The following PSME4 variants were observed in gnomAD, a reference collection of about 807,000 sequenced individuals.
The protein encoded by PSME4 is proteasome activator subunit 4, also known as proteasome activator complex subunit 4.
A neutral mutation model predicts 253.9 loss-of-function variants in PSME4; 89 were observed. The observed-to-expected ratio is 0.35, with a 90% CI of 0.30 to 0.42. The LOEUF (loss-of-function observed/expected upper bound fraction) is 0.42. PSME4 is among the 10% of genes least tolerant of loss of function. PSME4 has a pLI of 1.00. For synonymous variants in PSME4, 851 were observed against 759.2 expected, an observed-to-expected ratio of 1.12 and a Z score of -1.99; for missense variants, 2,014 against 2,195.2, an observed-to-expected ratio of 0.92 and a Z score of 1.65.
chr2:53,883,967 T>A (rs1679515916), intron 41 of PSME4, among the ~76,000 whole-genome samples: 3 of 152,296 alleles, frequency 2.0e-5, no homozygotes, highest in African/African-American at 7.2e-5. Context: ...GAAAGGGAAT[T>A]TCTGACCGCC....
At chr2:53,939,836 T>C (rs1010900063) in intron 4 of PSME4, 120 bp downstream of exon 4, 6 of 788,830 alleles carry the variant, frequency 7.6e-6, no homozygotes, top group African/African-American at 1.8e-5. Flanking sequence ...TTGTGCTCAG[T>C]GACTAACATC....
intron 29 of PSME4, among the ~76,000 whole-genome samples, chr2:53,899,402 A>C (rs1680289355): frequency 6.6e-6 from 1 of 152,176 alleles, no homozygotes; most frequent in South Asian, 2.1e-4. Flanking sequence ...TCCATAGCTT[A>C]AAAAGGAAAA....
intron 29 of PSME4, 101 bp downstream of exon 29, chr2:53,899,780 T>G: frequency 7.2e-7 from 1 of 1,398,186 alleles, no homozygotes; most frequent in Non-Finnish European, 9.8e-7. Context: ...ATCGTCTCAC[T>G]GTACTCCAGC....
At chr2:53,930,250 T>C (rs1219924164) in intron 10 of PSME4, among the ~76,000 whole-genome samples, 3 of 152,218 alleles carry the variant, frequency 2.0e-5, no homozygotes, top group Admixed American at 6.5e-5. Context: ...TATTTATTTA[T>C]AAGCTTTGTT....
rs1669104653 is a variant in PSME4 at position 53,936,172 on chromosome 2, A to G, written c.760-11T>C. On this transcript the variant is annotated splice_polypyrimidine_tract_variant and intron_variant, in intron 6 of 46. Coordinates refer to ENST00000404125, the MANE Select transcript of PSME4 (RefSeq NM_014614.3). ...GAGATTTACTAGTTGCTGAAAGTAA[A>G]CAAAAAGGACAAAGTTAATATATTT... is the stretch of plus-strand genomic sequence containing the variant. 6.2e-7 allele frequency: 1 copy of G among 1,613,380 alleles called. No individual in the cohort carries two copies. The highest frequency in any genetic ancestry group is 2.2e-5 in the East Asian group (1 of 44,826).
rs534058800 is a variant in PSME4, at chr2:53,948,652, T to A, written c.384-115A>T. On this transcript the variant is annotated intron_variant, in intron 2 of 46. Coordinates refer to ENST00000404125, the MANE Select transcript of PSME4 (RefSeq NM_014614.3). ...TGCTGCTCATCACCATGGGTTTTGCTTTCCCCATCCATGGCCACTCACTAG... is the reference window on the plus strand; with the variant it reads ...TGCTGCTCATCACCATGGGTTTTGCATTCCCCATCCATGGCCACTCACTAG... 132 of 714,794 alleles carry A rather than the reference T, an allele frequency of 1.8e-4. No individual in the cohort carries two copies. The African/African-American group carries it at 2.2e-3, about 12-fold the overall frequency. The allele number at this position is 714,794 out of a possible 1,614,324, so 44.3% of individuals were successfully genotyped here. A position where few individuals can be genotyped will look rare whatever the true frequency, so the allele number is the denominator to read the frequency against.
chr2:53,866,617 A>T, intron 45 of PSME4, 130 bp downstream of exon 45: 1 of 973,874 alleles, frequency 1.0e-6, no homozygotes. Flanking sequence ...ACTGGTGAGC[A>T]GACTAAGCCT....
chr2:53,956,331 C>A (rs988714381), intron 1 of PSME4, among the ~76,000 whole-genome samples: 9 of 151,828 alleles, frequency 5.9e-5, no homozygotes, highest in Admixed American at 4.6e-4. Context: ...GAGTTTGAGA[C>A]CAGCCTCGTC....
At chr2:53,921,158 A>G in intron 17 of PSME4, 54 bp from the exon 18 acceptor site, 2 of 1,604,710 alleles carry the variant, frequency 1.2e-6, no homozygotes, top group Non-Finnish European at 1.7e-6. Flanking sequence ...AACAAGAACC[A>G]ATCATTAATG....
intron 1 of PSME4, among the ~76,000 whole-genome samples, chr2:53,957,998 C>G (rs1670312007): frequency 6.6e-6 from 1 of 151,928 alleles, no homozygotes; most frequent in Admixed American, 6.6e-5. Flanking sequence ...CCAGCCTGAC[C>G]AACACAGAGA....
intron 3 of PSME4, among the ~76,000 whole-genome samples, chr2:53,946,302 T>C (rs1466867792): frequency 6.6e-6 from 1 of 152,216 alleles, no homozygotes; most frequent in African/African-American, 2.4e-5. Flanking sequence ...CCTCCTTTCA[T>C]TTACAAAATA....
chr2:53,919,925 A>G (rs148802521), intron 19 of PSME4, among the ~76,000 whole-genome samples: 202 of 152,296 alleles, frequency 1.3e-3, no homozygotes, highest in African/African-American at 4.6e-3. Context: ...GCATATCTAC[A>G]CACACCTTCC....
chr2:53,917,508 C>T (rs868684563), intron 20 of PSME4, among the ~76,000 whole-genome samples: 10 of 152,096 alleles, frequency 6.6e-5, no homozygotes, highest in African/African-American at 2.2e-4. Context: ...CAGGCTGATA[C>T]GAACTGCAAG....
intron 3 of PSME4, among the ~76,000 whole-genome samples, chr2:53,942,881 C>G (rs778420058): frequency 6.6e-6 from 1 of 152,172 alleles, no homozygotes; most frequent in Non-Finnish European, 1.5e-5. Flanking sequence ...TGTCCCAGTT[C>G]TTAAGCTCTT....
At chr2:53,927,328 G>A (rs1558691442) in intron 12 of PSME4, 66 bp downstream of exon 12, 2 of 1,147,654 alleles carry the variant, frequency 1.7e-6, no homozygotes, top group Non-Finnish European at 1.3e-6. Context: ...ACTGTCAAGT[G>A]TTACTATGCA....
At position 53,876,716 on chromosome 2, in the gene PSME4, C is replaced by CTTTTTTTTTT. The variant is rs10599430; in HGVS notation, c.4816-971_4816-962dup. Among the ~76,000 whole-genome samples the CTTTTTTTTTT allele has an allele frequency of 1.4e-3, 141 of 97,824 alleles. 8 individuals carry two copies. The highest frequency in any genetic ancestry group is 3.3e-3 in the East Asian group (8 of 2,392). 64.2% of individuals were successfully genotyped at this position (97,824 alleles called of 152,430 possible). A position where few individuals can be genotyped will look rare whatever the true frequency, so the allele number is the denominator to read the frequency against. On this transcript the variant is annotated intron_variant, in intron 41 of 46. Coordinates refer to ENST00000404125, the MANE Select transcript of PSME4 (RefSeq NM_014614.3). ...TCTGATGGCTGTAGCCACTGTCATT[C>CTTTTTTTTTT]TTTTTTTTTTTTTTTTTTTTGAGAC... is the stretch of plus-strand genomic sequence containing the variant.
rs1671029408 is a variant in PSME4, at chr2:53,970,665, G to A, written c.120C>T (p.Tyr40=). Residue 40 remains tyrosine (Y), a synonymous_variant, in exon 1 of 47, where the codon TAC becomes TAT. Transcript: ENST00000404125. ...KEIVYNKLLP[Y]AERLDAESDL... is the part of the protein sequence containing the mutation. ...CGGACTCGGCGTCTAGCCGCTCCGC[G>A]TAGGGCAGCAGCTTGTTGTAGACGA... 6.5e-7 allele frequency: 1 copy of A among 1,550,298 alleles called. No individual in the cohort carries two copies. Among genetic ancestry groups the A allele is most frequent in the Non-Finnish European group, 8.7e-7 (1 of 1,146,908 alleles).
chr2:53,900,006 T>A lies in PSME4; in HGVS notation c.3297A>T (p.Ser1099=). The change falls in exon 29 of 47, where the codon TCA becomes TCT. Residue 1099 remains serine (S), a synonymous_variant. Coordinates refer to ENST00000404125, the MANE Select transcript of PSME4 (RefSeq NM_014614.3). ...GAAGTAATTCCGCTATTTCAACACATGACTTTGGAATCTTGTTAAAAAGAA... is the reference window on the plus strand; with the variant it reads ...GAAGTAATTCCGCTATTTCAACACAAGACTTTGGAATCTTGTTAAAAAGAA... ...TIGLDFTIPK[S]CVEIAELLQQ... is the part of the protein sequence containing the mutation. The A allele has an allele frequency of 6.2e-7, 1 of 1,612,886 alleles. No homozygotes were observed. The highest frequency in any genetic ancestry group is 8.5e-7 in the Non-Finnish European group (1 of 1,179,530).
intron 29 of PSME4, 113 bp downstream of exon 29, chr2:53,899,768 T>C (rs1191755857): frequency 1.6e-6 from 2 of 1,284,616 alleles, no homozygotes; most frequent in African/African-American, 3.0e-5. Flanking sequence ...CAGTGAGCCA[T>C]GATCGTCTCA....
Sources: gnomAD v4.1 joint callset for allele counts (sites outside exome capture counted in the v4.1 genomes callset) on GRCh38, gnomAD v4.1.1 for gene constraint, MANE v1.5 for transcripts, NCBI Gene and HGNC (gene_info 2026-07-23, HGNC 2026-07-21) for gene names.